Variants in KCNIP4 observed in about 807,000 individuals in gnomAD.
KCNIP4 encodes the protein Kv channel-interacting protein 4.
Under a neutral mutation model 34.0 loss-of-function variants are expected in KCNIP4, and 12 were observed. The observed-to-expected ratio is 0.35, with a 90% CI of 0.23 to 0.57. KCNIP4 has a LOEUF of 0.57. Among genes scored for constraint, KCNIP4 ranks in the 20% least tolerant of loss-of-function variants. KCNIP4 has a pLI of 0.83. For missense variants in KCNIP4, 238 were observed against 311.7 expected (o/e 0.76, Z 1.78); for synonymous variants, 124 against 102.2 (o/e 1.21, Z -1.29).
At chr4:21,400,739 G>T (rs903591) in intron 1 of KCNIP4, among the ~76,000 whole-genome samples, 4 of 151,850 alleles carry the variant, frequency 2.6e-5, no homozygotes, top group South Asian at 2.1e-4. Context: ...ATTCTATAAG[G>T]GTTGCATTCA....
intron 1 of KCNIP4, among the ~76,000 whole-genome samples, chr4:21,859,023 A>T (rs1484235370): frequency 6.6e-6 from 1 of 152,232 alleles, no homozygotes; most frequent in Non-Finnish European, 1.5e-5. Flanking sequence ...CCAACCCTCA[A>T]AGCAAAATCA....
chr4:21,101,366 A>G (rs1395661087), intron 1 of KCNIP4, among the ~76,000 whole-genome samples: 1 of 152,158 alleles, frequency 6.6e-6, no homozygotes, highest in Non-Finnish European at 1.5e-5. Flanking sequence ...ATATATAACA[A>G]AAATGTATAT....
At chr4:21,634,572 G>A (rs1385065895) in intron 1 of KCNIP4, among the ~76,000 whole-genome samples, 1 of 151,994 alleles carries the variant, frequency 6.6e-6, no homozygotes, top group Non-Finnish European at 1.5e-5. Context: ...AAAGGATGCA[G>A]AAATAAAAAC....
At chr4:21,603,323 C>T (rs1450363723) in intron 1 of KCNIP4, among the ~76,000 whole-genome samples, 1 of 151,710 alleles carries the variant, frequency 6.6e-6, no homozygotes, top group Non-Finnish European at 1.5e-5. Context: ...AAAATTTATT[C>T]AGACTTTTTG....
intron 1 of KCNIP4, among the ~76,000 whole-genome samples, chr4:21,784,982 A>G (rs13123175): frequency 0.94 from 142,844 of 152,236 alleles, 67,145 homozygotes; most frequent in Non-Finnish European, 0.97. Context: ...AATTGTCCTT[A>G]AACTATGAAG....
At chr4:20,790,638 G>T (rs1560466915) in intron 3 of KCNIP4, among the ~76,000 whole-genome samples, 1 of 151,836 alleles carries the variant, frequency 6.6e-6, no homozygotes, top group Non-Finnish European at 1.5e-5. Context: ...ACAGAATCAG[G>T]ATCCCTATTA....
At chr4:21,037,259 C>T (rs958025249) in intron 1 of KCNIP4, among the ~76,000 whole-genome samples, 15 of 152,114 alleles carry the variant, frequency 9.9e-5, no homozygotes, top group African/African-American at 3.6e-4. Flanking sequence ...ATAAAGTCTA[C>T]AGGAGTTTAC....
chr4:21,435,358 G>T (rs1726858772), intron 1 of KCNIP4, among the ~76,000 whole-genome samples: 1 of 152,116 alleles, frequency 6.6e-6, no homozygotes, highest in Admixed American at 6.5e-5. Context: ...GACTAAGGAA[G>T]GGCTTTGTTT....
intron 1 of KCNIP4, among the ~76,000 whole-genome samples, chr4:21,209,509 G>A (rs1757083510): frequency 6.6e-6 from 1 of 151,804 alleles, no homozygotes; most frequent in Non-Finnish European, 1.5e-5. Flanking sequence ...TCTGTTCCTG[G>A]TTTATTTCAC....
intron 4 of KCNIP4, among the ~76,000 whole-genome samples, chr4:20,757,536 C>T (rs959381222): frequency 3.3e-5 from 5 of 152,192 alleles, no homozygotes; most frequent in Non-Finnish European, 7.3e-5. Context: ...ACTCTCTACC[C>T]TAGCCACACC....
intron 1 of KCNIP4, among the ~76,000 whole-genome samples, chr4:21,243,917 T>G (rs1440782608): frequency 6.6e-6 from 1 of 151,872 alleles, no homozygotes; most frequent in Admixed American, 6.6e-5. Context: ...GCCCCACAGG[T>G]GAGGAGTATA....
At chr4:21,094,522 G>A (rs720853) in intron 1 of KCNIP4, among the ~76,000 whole-genome samples, 24,236 of 152,106 alleles carry the variant, frequency 0.16, 2,038 homozygotes, top group East Asian at 0.23. Flanking sequence ...GATTTAGAGT[G>A]AGAACATTGT....
intron 5 of KCNIP4, among the ~76,000 whole-genome samples, chr4:20,736,968 G>C (rs1413201239): frequency 6.6e-6 from 1 of 152,154 alleles, no homozygotes; most frequent in Admixed American, 6.6e-5. Flanking sequence ...ATATAGAACA[G>C]TAGAATAGAA....
At chr4:21,449,450 C>T (rs1577378382) in intron 1 of KCNIP4, among the ~76,000 whole-genome samples, 1 of 152,012 alleles carries the variant, frequency 6.6e-6, no homozygotes, top group South Asian at 2.1e-4. Context: ...AGATTTAGGA[C>T]TTTGGAGCTG....
intron 1 of KCNIP4, among the ~76,000 whole-genome samples, chr4:21,610,737 G>A (rs1744089081): frequency 2.0e-5 from 3 of 152,042 alleles, no homozygotes; most frequent in Admixed American, 2.0e-4. Context: ...ATAAAAGAAA[G>A]AGGTTTAATT....
At chr4:21,767,622 C>A (rs1374124562) in intron 1 of KCNIP4, among the ~76,000 whole-genome samples, 2 of 151,862 alleles carry the variant, frequency 1.3e-5, no homozygotes, top group Non-Finnish European at 2.9e-5. Context: ...TTATTAAAAT[C>A]CTTACAAGTC....
chr4:20,973,629 T>C (rs1451778448), intron 1 of KCNIP4, among the ~76,000 whole-genome samples: 1 of 152,238 alleles, frequency 6.6e-6, no homozygotes, highest in Non-Finnish European at 1.5e-5. Flanking sequence ...ACTTTCATCA[T>C]GCGTTCCTCA....
At chr4:21,924,198 G>A (rs566654827) in intron 1 of KCNIP4, among the ~76,000 whole-genome samples, 1 of 151,214 alleles carries the variant, frequency 6.6e-6, no homozygotes, top group Non-Finnish European at 1.5e-5. Flanking sequence ...AACCACAAAT[G>A]GTTTTTGTAC....
chr4:21,113,560 C>CA (rs1277491416), intron 1 of KCNIP4, among the ~76,000 whole-genome samples: 1 of 150,812 alleles, frequency 6.6e-6, no homozygotes, highest in Non-Finnish European at 1.5e-5. Context: ...ATAAGGATTC[C>CA]AAAAATCACA....
Sources: allele counts gnomAD v4.1 joint callset (sites outside exome capture counted in the v4.1 genomes callset), GRCh38; gene constraint gnomAD v4.1.1; transcripts MANE v1.5; gene names NCBI Gene and HGNC (gene_info 2026-07-23, HGNC 2026-07-21).